Variants in COL22A1 observed in about 807,000 individuals in gnomAD.
COL22A1 encodes collagen type XXII alpha 1 chain.
COL22A1 carries 221 observed loss-of-function variants against 248.9 expected under a neutral mutation model. The ratio of observed to expected loss-of-function variants is 0.89; its 90% CI spans 0.80 to 0.99. The LOEUF (loss-of-function observed/expected upper bound fraction) is 0.99. Ranked by LOEUF, COL22A1 falls within the 50% of genes least tolerant of loss-of-function variation. The probability of loss-of-function intolerance (pLI) is 0.00; values close to 1 mark genes in which losing one functional copy is unlikely to be tolerated. For synonymous variants in COL22A1, 891 were observed against 793.4 expected (o/e 1.12, Z -2.07); for missense variants, 2,240 against 2,179.0 (o/e 1.03, Z -0.56).
At chr8:138,805,998 GTGTGTGTGACGGTGTA>G (rs1817591924) in intron 10 of COL22A1, among the ~76,000 whole-genome samples, 2 of 63,432 alleles carry the variant, frequency 3.2e-5, no homozygotes, top group East Asian at 5.4e-4. Context: ...GTGATGGTGT[GTGTGTGTGACGGTGTA>G]GGTAATGGTG....
At chr8:138,747,600 G>T (rs1288420100) in intron 22 of COL22A1, among the ~76,000 whole-genome samples, 4 of 152,146 alleles carry the variant, frequency 2.6e-5, no homozygotes, top group Non-Finnish European at 5.9e-5. Flanking sequence ...TGGAGAGCCT[G>T]TTCAAGGAAA....
chr8:138,911,902 G>A (rs10100280), intron 1 of COL22A1, among the ~76,000 whole-genome samples: 44,939 of 152,014 alleles, frequency 0.3, 7,049 homozygotes, highest in African/African-American at 0.41. Context: ...ATTGGATGCA[G>A]CATCTTGTCT....
intron 62 of COL22A1, among the ~76,000 whole-genome samples, chr8:138,595,725 T>C (rs1292570807): frequency 2.0e-5 from 3 of 151,984 alleles, no homozygotes; most frequent in East Asian, 1.9e-4. Flanking sequence ...GTCTTGTTTA[T>C]AGCTGTGTCC....
intron 3 of COL22A1, among the ~76,000 whole-genome samples, chr8:138,863,743 T>C (rs891539282): frequency 1.3e-5 from 2 of 152,232 alleles, no homozygotes; most frequent in African/African-American, 4.8e-5. Context: ...AACCCCTCTC[T>C]GAAGTGGACA....
At chr8:138,602,848 G>C (rs1017492159) in intron 59 of COL22A1, among the ~76,000 whole-genome samples, 1 of 152,144 alleles carries the variant, frequency 6.6e-6, no homozygotes, top group Non-Finnish European at 1.5e-5. Context: ...CTAAAGCATT[G>C]ACTAATCCCT....
intron 10 of COL22A1, among the ~76,000 whole-genome samples, chr8:138,805,546 T>C (rs999577990): frequency 1.3e-3 from 182 of 142,372 alleles, no homozygotes; most frequent in Non-Finnish European, 2.2e-3. Flanking sequence ...TGTGTGATGG[T>C]ATGTGTGATG....
chr8:138,594,913 C>T (rs1041702315), intron 62 of COL22A1, among the ~76,000 whole-genome samples: 1 of 152,142 alleles, frequency 6.6e-6, no homozygotes, highest in Non-Finnish European at 1.5e-5. Context: ...AGATCCTATA[C>T]ATCTAAAATG....
At chr8:138,741,369 C>A (rs977274667) in intron 22 of COL22A1, among the ~76,000 whole-genome samples, 1 of 152,174 alleles carries the variant, frequency 6.6e-6, no homozygotes, top group Non-Finnish European at 1.5e-5. Context: ...CAAAGGAATT[C>A]TCTGTGTTCT....
intron 62 of COL22A1, among the ~76,000 whole-genome samples, chr8:138,595,135 T>C (rs945302513): frequency 6.6e-6 from 1 of 152,102 alleles, no homozygotes; most frequent in East Asian, 1.9e-4. Flanking sequence ...CGGCGTTTGA[T>C]AGGGGAAACC....
chr8:138,877,665 C>T lies in COL22A1; in HGVS notation c.658+85G>A. On this transcript the variant is annotated intron_variant, in intron 3 of 64. Transcript: ENST00000303045. Reference sequence around the variant, plus strand: ...GCCTTCCTGGAGCCGGCCGTAGGATCCCTATCTGCCCGAGGACCCCTCCCG... The same window carrying T: ...GCCTTCCTGGAGCCGGCCGTAGGATTCCTATCTGCCCGAGGACCCCTCCCG... The T allele has an allele frequency of 9.7e-6, 13 of 1,346,386 alleles. No individual in the cohort carries two copies. The South Asian group carries it at 1.8e-4, about 19-fold the overall frequency. The allele number at this position is 1,346,386 out of a possible 1,614,324, so 83.4% of individuals were successfully genotyped here. A position where few individuals can be genotyped will look rare whatever the true frequency, so the allele number is the denominator to read the frequency against.
intron 35 of COL22A1, among the ~76,000 whole-genome samples, chr8:138,691,338 T>C (rs1361437813): frequency 6.6e-6 from 1 of 150,682 alleles, no homozygotes; most frequent in Non-Finnish European, 1.5e-5. Context: ...TGTGTGTGCA[T>C]GCGTGTGTGC....
At chr8:138,765,112 G>A (rs910774567) in intron 16 of COL22A1, among the ~76,000 whole-genome samples, 1 of 152,188 alleles carries the variant, frequency 6.6e-6, no homozygotes, top group African/African-American at 2.4e-5. Context: ...GCAGGCCCAA[G>A]CACCAACAAG....
At chr8:138,711,304 C>T (rs1828944627) in intron 30 of COL22A1, among the ~76,000 whole-genome samples, 1 of 152,146 alleles carries the variant, frequency 6.6e-6, no homozygotes, top group African/African-American at 2.4e-5. Flanking sequence ...GAAGCAGAGG[C>T]AGAGACAGGC....
At chr8:138,719,757 G>C (rs946747631) in intron 27 of COL22A1, among the ~76,000 whole-genome samples, 1 of 152,306 alleles carries the variant, frequency 6.6e-6, no homozygotes, top group South Asian at 2.1e-4. Context: ...GGCTGAATTT[G>C]ATCATGCATT....
intron 49 of COL22A1, among the ~76,000 whole-genome samples, chr8:138,633,857 C>T (rs1400338833): frequency 1.3e-5 from 2 of 152,182 alleles, no homozygotes; most frequent in Non-Finnish European, 2.9e-5. Context: ...AAATTCCCTA[C>T]AATATCCTTC....
intron 10 of COL22A1, among the ~76,000 whole-genome samples, chr8:138,807,501 G>A (rs971610033): frequency 1.3e-5 from 2 of 152,214 alleles, no homozygotes; most frequent in African/African-American, 4.8e-5. Context: ...TGAGCGTGTT[G>A]GAGCAAATGA....
chr8:138,862,026 T>TAAAAAAAAAAA (rs386414193), intron 3 of COL22A1, among the ~76,000 whole-genome samples: 47 of 93,146 alleles, frequency 5.0e-4, no homozygotes, highest in Non-Finnish European at 5.9e-4. Context: ...CTGTCTCTAC[T>TAAAAAAAAAAA]AAAAAAAAAA....
intron 41 of COL22A1, among the ~76,000 whole-genome samples, chr8:138,666,659 T>C (rs4279644): frequency 0.075 from 11,460 of 152,222 alleles, 469 homozygotes; most frequent in African/African-American, 0.078. Flanking sequence ...GGAGGATGGA[T>C]ATGTATTCCT....
intron 15 of COL22A1, among the ~76,000 whole-genome samples, chr8:138,777,539 C>A (rs755981496): frequency 6.2e-4 from 94 of 152,262 alleles, no homozygotes; most frequent in South Asian, 1.9e-3. Flanking sequence ...CCCCAACAGG[C>A]CCTTGTGTGT....
Sources: allele counts gnomAD v4.1 joint callset (sites outside exome capture counted in the v4.1 genomes callset), GRCh38; gene constraint gnomAD v4.1.1; transcripts MANE v1.5; gene names NCBI Gene and HGNC (gene_info 2026-07-23, HGNC 2026-07-21).